The following CRTC1 variants were observed in gnomAD, a reference collection of about 807,000 sequenced individuals.
The protein encoded by CRTC1 is CREB-regulated transcription coactivator 1.
Under a neutral mutation model 66.1 loss-of-function variants are expected in CRTC1, and 18 were observed. The ratio of observed to expected loss-of-function variants is 0.27; its 90% CI spans 0.19 to 0.40. CRTC1 has a LOEUF of 0.40. Among genes scored for constraint, CRTC1 ranks in the 10% least tolerant of loss-of-function variants. CRTC1 has a pLI of 1.00. For missense variants in CRTC1, 669 were observed against 887.9 expected (o/e 0.75, Z 3.13); for synonymous variants, 416 against 398.8 (o/e 1.04, Z -0.51).
chr19:18,717,913 G>A (rs2053543478), intron 1 of CRTC1, among the ~76,000 whole-genome samples: 1 of 152,086 alleles, frequency 6.6e-6, no homozygotes, highest in South Asian at 2.1e-4. Context: ...CTGGCAGTAG[G>A]GACAGGAGTG....
chr19:18,726,825 C>T lies in CRTC1; in HGVS notation c.127-16085C>T, dbSNP rs542688310. Among the ~76,000 whole-genome samples, 1,332 of 151,282 alleles carry T rather than the reference C, an allele frequency of 8.8e-3. 16 individuals are homozygous for T. The highest frequency in any genetic ancestry group is 0.014 in the Middle Eastern group (4 of 292). ...CCTGTAATCCCAGCTACTTGGGAGGCCGAGGCAGGAGAATTGCTTGAACCC... is the reference window on the plus strand; with the variant it reads ...CCTGTAATCCCAGCTACTTGGGAGGTCGAGGCAGGAGAATTGCTTGAACCC... On this transcript the variant is annotated intron_variant, in intron 1 of 13. Transcript: ENST00000321949.
intron 6 of CRTC1, among the ~76,000 whole-genome samples, chr19:18,758,232 C>T (rs1301151884): frequency 8.3e-5 from 12 of 144,728 alleles, no homozygotes; most frequent in East Asian, 2.1e-4. Flanking sequence ...TGGTGGCGGG[C>T]ACCTGTAGTC....
chr19:18,740,682 A>G (rs2054091829), intron 1 of CRTC1, among the ~76,000 whole-genome samples: 1 of 152,124 alleles, frequency 6.6e-6, no homozygotes, highest in South Asian at 2.1e-4. Flanking sequence ...CCTCATGCAA[A>G]ACCAAGAATG....
At chr19:18,742,320 C>G (rs1378927728) in intron 1 of CRTC1, among the ~76,000 whole-genome samples, 5 of 152,158 alleles carry the variant, frequency 3.3e-5, no homozygotes, top group Non-Finnish European at 7.3e-5. Context: ...CCCCAAGAGG[C>G]TGGGAAGGAC....
chr19:18,764,319 A>G (rs973722295), intron 8 of CRTC1, among the ~76,000 whole-genome samples: 2 of 152,196 alleles, frequency 1.3e-5, no homozygotes, highest in African/African-American at 2.4e-5. Flanking sequence ...TGACCTCACC[A>G]GGGCCTCACT....
chr19:18,728,007 TG>T (rs1488530579), intron 1 of CRTC1, among the ~76,000 whole-genome samples: 1 of 152,210 alleles, frequency 6.6e-6, no homozygotes, highest in Non-Finnish European at 1.5e-5. Context: ...ATTACAGGCG[TG>T]AGCCACCGTG....
chr19:18,734,044 G>T (rs1012983982), intron 1 of CRTC1, among the ~76,000 whole-genome samples: 1 of 152,132 alleles, frequency 6.6e-6, no homozygotes, highest in East Asian at 1.9e-4. Context: ...GGAGGTTGCA[G>T]TGAGTCAAGA....
At chr19:18,763,112 T>C (rs1212793730) in intron 8 of CRTC1, among the ~76,000 whole-genome samples, 1 of 152,166 alleles carries the variant, frequency 6.6e-6, no homozygotes, top group African/African-American at 2.4e-5. Flanking sequence ...TTTTTTTTCT[T>C]TTTTTTGAGA....
rs552405513 is a variant in CRTC1 at position 18,779,026 on chromosome 19, A to G, written c.*1644A>G. 4.3e-6 allele frequency: 1 copy of G among 232,224 alleles called. No homozygotes were observed. The highest frequency in any genetic ancestry group is 8.5e-6 in the Non-Finnish European group (1 of 117,576). 14.4% of individuals were successfully genotyped at this position (232,224 alleles called of 1,614,324 possible). ...TTGGGAGCTGTCCTGGACCCTCCCC[A>G]TACCACGGGCCCTGCAAGGGAGGCA... is the stretch of plus-strand genomic sequence containing the variant. On this transcript the variant is annotated 3_prime_UTR_variant, in exon 14 of 14. Coordinates refer to ENST00000321949, the MANE Select transcript of CRTC1 (RefSeq NM_015321.3).
intron 1 of CRTC1, among the ~76,000 whole-genome samples, chr19:18,736,795 T>C (rs2054006291): frequency 6.6e-6 from 1 of 152,114 alleles, no homozygotes; most frequent in African/African-American, 2.4e-5. Context: ...TGCCACGGCT[T>C]TGCAGGGCCG....
At chr19:18,714,080 A>G (rs1407285998) in intron 1 of CRTC1, among the ~76,000 whole-genome samples, 2 of 152,184 alleles carry the variant, frequency 1.3e-5, no homozygotes, top group African/African-American at 4.8e-5. Flanking sequence ...ACACAAGCCC[A>G]TACTGTCCTT....
At chr19:18,731,729 C>T (rs567486590) in intron 1 of CRTC1, among the ~76,000 whole-genome samples, 2 of 152,148 alleles carry the variant, frequency 1.3e-5, no homozygotes, top group Non-Finnish European at 2.9e-5. Flanking sequence ...CGAGCAGGCA[C>T]GTTGCTTATC....
chr19:18,735,208 G>T (rs75702484), intron 1 of CRTC1, among the ~76,000 whole-genome samples: 4,102 of 152,274 alleles, frequency 0.027, 189 homozygotes, highest in African/African-American at 0.094. Flanking sequence ...TGGAGCTTTG[G>T]GGGTACCTGT....
intron 2 of CRTC1, chr19:18,744,153 C>G (rs763082203): frequency 6.8e-6 from 11 of 1,611,636 alleles, no homozygotes; most frequent in Non-Finnish European, 9.3e-6. Context: ...TCCTGTCTCT[C>G]TGGTAAATGA....
intron 13 of CRTC1, 147 bp downstream of exon 13, chr19:18,775,968 C>T (rs1251435167): frequency 1.2e-6 from 1 of 843,502 alleles, no homozygotes; most frequent in African/African-American, 1.7e-5. Flanking sequence ...AGGCCACACC[C>T]CCTCTCCCCT....
rs564740990 is a variant in CRTC1, at chr19:18,745,889, G to A, written c.310G>A (p.Val104Met). The change falls in exon 3 of 14, where the codon GTG (valine) becomes ATG (methionine). Residue 104 changes from valine to methionine, a missense_variant. Transcript: ENST00000321949. ...CCGGCACCATGGGCTGGTGGACAGG[G>A]TGTACCGGGAGCGTGGCCGGCTCGG... ...TTRHHGLVDR[V>M]YRERGRLGSP... The A allele has an allele frequency of 6.2e-7, 1 of 1,613,608 alleles. No individual in the cohort carries two copies. Among genetic ancestry groups the A allele is most frequent in the Non-Finnish European group, 8.5e-7 (1 of 1,179,950 alleles).
intron 1 of CRTC1, among the ~76,000 whole-genome samples, chr19:18,728,472 G>A (rs981977357): frequency 1.3e-5 from 2 of 152,106 alleles, no homozygotes; most frequent in African/African-American, 4.8e-5. Flanking sequence ...TAACATCACA[G>A]AGCAGCTCCG....
intron 2 of CRTC1, among the ~76,000 whole-genome samples, chr19:18,744,803 G>T (rs1454033433): frequency 2.0e-5 from 3 of 152,180 alleles, no homozygotes; most frequent in Non-Finnish European, 4.4e-5. Flanking sequence ...GTTCATGCTG[G>T]ATCGAAGAAA....
At chr19:18,697,556 C>G (rs1029743623) in intron 1 of CRTC1, among the ~76,000 whole-genome samples, 1 of 152,234 alleles carries the variant, frequency 6.6e-6, no homozygotes, top group Admixed American at 6.5e-5. Context: ...GTAATTCTCC[C>G]TCCTTGGCCT....
Sources: allele counts gnomAD v4.1 joint callset (sites outside exome capture counted in the v4.1 genomes callset), GRCh38; gene constraint gnomAD v4.1.1; transcripts MANE v1.5; gene names NCBI Gene and HGNC (gene_info 2026-07-23, HGNC 2026-07-21).